Variants in ATP6V1H observed in about 807,000 individuals in gnomAD.
ATP6V1H encodes the protein ATPase H+ transporting V1 subunit H, also known as V-type proton ATPase subunit H.
In ATP6V1H, 39 loss-of-function variants were observed where a neutral mutation model predicts 71.7. The observed-to-expected ratio is 0.54, with a 90% confidence interval of 0.42 to 0.71. The LOEUF (loss-of-function observed/expected upper bound fraction) is 0.71, where lower values mean the gene tolerates loss of function less well. ATP6V1H is among the 30% of genes least tolerant of loss of function. The probability of loss-of-function intolerance (pLI) is 0.00; values close to 1 mark genes in which losing one functional copy is unlikely to be tolerated. For missense variants in ATP6V1H, 509 were observed against 594.9 expected, an observed-to-expected ratio of 0.86 and a Z score of 1.50; for synonymous variants, 192 against 199.3, an observed-to-expected ratio of 0.96 and a Z score of 0.31.
At chr8:53,729,563 T>C (rs1208106461) in intron 13 of ATP6V1H, among the ~76,000 whole-genome samples, 2 of 152,054 alleles carry the variant, frequency 1.3e-5, no homozygotes, top group Admixed American at 6.5e-5. Flanking sequence ...GGGGGCCACA[T>C]GATGTGCTGG....
rs553679523 is a variant in ATP6V1H, at chr8:53,771,482, G to A, written c.1049+507C>T. Among the ~76,000 whole-genome samples the A allele has an allele frequency of 7.9e-5, 12 of 152,222 alleles. No homozygotes were observed. The South Asian group carries it at 1.7e-3, about 21-fold the overall frequency. ...TTTTGGAAGCAAACACAAGAGACCC[G>A]AGGGAGAGTGAGGCGAGGCAGTGAA... On this transcript the variant is annotated intron_variant, in intron 10 of 13. Coordinates refer to ENST00000359530, the MANE Select transcript of ATP6V1H (RefSeq NM_015941.4).
At chr8:53,751,137 T>C (rs1055979442) in intron 12 of ATP6V1H, among the ~76,000 whole-genome samples, 3 of 152,180 alleles carry the variant, frequency 2.0e-5, no homozygotes, top group Admixed American at 1.3e-4. Context: ...TGACTCTGCA[T>C]TGGTGTCCGT....
At chr8:53,735,145 G>T (rs894544665) in intron 13 of ATP6V1H, among the ~76,000 whole-genome samples, 3 of 152,154 alleles carry the variant, frequency 2.0e-5, no homozygotes, top group Non-Finnish European at 4.4e-5. Context: ...CCCCTTTGAA[G>T]ATCTCCAGGT....
At chr8:53,766,377 G>A (rs1808465290) in intron 11 of ATP6V1H, among the ~76,000 whole-genome samples, 1 of 152,184 alleles carries the variant, frequency 6.6e-6, no homozygotes. Flanking sequence ...GTCAGTTGAG[G>A]AGGATGTATA....
Position 53,796,879 on chromosome 8 carries a change from C to T in ATP6V1H, c.678-1040G>A, listed in dbSNP as rs142601569. 2.5e-3 allele frequency among the ~76,000 whole-genome samples: 388 copies of T among 152,292 alleles called. 5 individuals carry two copies. The highest frequency in any genetic ancestry group is 9.0e-3 in the African/African-American group (374 of 41,556). On this transcript the variant is annotated intron_variant, in intron 8 of 13. Coordinates refer to ENST00000359530, the MANE Select transcript of ATP6V1H (RefSeq NM_015941.4). ...GCTAAGCCTGATTTTACAATCTAAA[C>T]TTACTGTAACTTACTGAAAGGCTTT...
intron 9 of ATP6V1H, among the ~76,000 whole-genome samples, chr8:53,786,316 T>G (rs925705883): frequency 1.4e-4 from 22 of 152,198 alleles, no homozygotes; most frequent in Non-Finnish European, 3.1e-4. Context: ...CGAGCCTCCG[T>G]GGGCACAGGA....
At chr8:53,732,885 G>T (rs758939282) in intron 13 of ATP6V1H, among the ~76,000 whole-genome samples, 7 of 152,086 alleles carry the variant, frequency 4.6e-5, no homozygotes, top group Non-Finnish European at 8.8e-5. Context: ...TCACCTCAAA[G>T]GGGAGGATCA....
chr8:53,804,588 C>T (rs866271808), intron 7 of ATP6V1H, among the ~76,000 whole-genome samples: 3 of 152,120 alleles, frequency 2.0e-5, no homozygotes, highest in Admixed American at 1.3e-4. Context: ...GCAGGAAAAT[C>T]GCTTGAACCC....
At chr8:53,737,711 G>GA (rs1421600356) in intron 13 of ATP6V1H, among the ~76,000 whole-genome samples, 1 of 152,196 alleles carries the variant, frequency 6.6e-6, no homozygotes, top group East Asian at 1.9e-4. Flanking sequence ...AGTAAAAACA[G>GA]ATGATAAACT....
chr8:53,774,393 G>C (rs1050517318), intron 9 of ATP6V1H, among the ~76,000 whole-genome samples: 3 of 152,072 alleles, frequency 2.0e-5, no homozygotes, highest in Non-Finnish European at 4.4e-5. Flanking sequence ...CAGAGAGAGA[G>C]GACAGTTCAG....
At chr8:53,741,629 A>G (rs563739633) in intron 13 of ATP6V1H, among the ~76,000 whole-genome samples, 1 of 152,346 alleles carries the variant, frequency 6.6e-6, no homozygotes, top group East Asian at 1.9e-4. Flanking sequence ...TTATGTTGAA[A>G]AATCTGGCTT....
chr8:53,806,135 A>C (rs1284668372), intron 7 of ATP6V1H, among the ~76,000 whole-genome samples: 2 of 152,198 alleles, frequency 1.3e-5, no homozygotes, highest in African/African-American at 4.8e-5. Context: ...AGAAGGACAG[A>C]GTAAAAACTA....
chr8:53,796,128 A>G (rs1357866647), intron 8 of ATP6V1H, among the ~76,000 whole-genome samples: 1 of 152,228 alleles, frequency 6.6e-6, no homozygotes, highest in African/African-American at 2.4e-5. Flanking sequence ...GAATGGAAAG[A>G]GCAATCGGAC....
At chr8:53,826,622 G>A (rs1043243702) in intron 4 of ATP6V1H, among the ~76,000 whole-genome samples, 7 of 149,856 alleles carry the variant, frequency 4.7e-5, no homozygotes, top group African/African-American at 1.7e-4. Context: ...GTGTCTGCCT[G>A]TCTATGTTCA....
At chr8:53,792,557 T>C (rs1398828503) in intron 9 of ATP6V1H, among the ~76,000 whole-genome samples, 2 of 152,170 alleles carry the variant, frequency 1.3e-5, no homozygotes, top group African/African-American at 4.8e-5. Flanking sequence ...CTTTTCACGT[T>C]TCCCCCTTTT....
chr8:53,765,487 ACACACACACACAC>A (rs1279832621), intron 11 of ATP6V1H, among the ~76,000 whole-genome samples: 30 of 143,390 alleles, frequency 2.1e-4, no homozygotes, highest in African/African-American at 7.7e-4. Flanking sequence ...ACACACACAC[ACACACACACACAC>A]AAGACCATCA....
chr8:53,777,428 G>C (rs932586992), intron 9 of ATP6V1H, among the ~76,000 whole-genome samples: 1 of 151,480 alleles, frequency 6.6e-6, no homozygotes, highest in Non-Finnish European at 1.5e-5. Flanking sequence ...TAAAAAAAGA[G>C]AGAGAAAAAT....
chr8:53,719,399 G>A (rs1177131657), intron 13 of ATP6V1H, among the ~76,000 whole-genome samples: 1 of 152,154 alleles, frequency 6.6e-6, no homozygotes, highest in East Asian at 1.9e-4. Context: ...TCGAACTCCT[G>A]ACCTCGTGAT....
chr8:53,721,062 T>C (rs955119094), intron 13 of ATP6V1H, among the ~76,000 whole-genome samples: 4 of 152,228 alleles, frequency 2.6e-5, no homozygotes, highest in Admixed American at 6.5e-5. Context: ...CTTTTCTAAA[T>C]ATATAAACAC....
Sources: gnomAD v4.1 joint callset for allele counts (sites outside exome capture counted in the v4.1 genomes callset) on GRCh38, gnomAD v4.1.1 for gene constraint, MANE v1.5 for transcripts, NCBI Gene and HGNC (gene_info 2026-07-23, HGNC 2026-07-21) for gene names.